Variants in GRIK2 observed in about 807,000 individuals in gnomAD.
GRIK2 encodes glutamate ionotropic receptor kainate type subunit 2.
Under a neutral mutation model 100.3 loss-of-function variants are expected in GRIK2, and 32 were observed. That is an observed-to-expected ratio of 0.32 (90% CI 0.24 to 0.43). GRIK2 has a LOEUF of 0.43. Ranked by LOEUF, GRIK2 falls within the 20% of genes least tolerant of loss-of-function variation. The probability of loss-of-function intolerance (pLI) is 1.00; values close to 1 mark genes in which losing one functional copy is unlikely to be tolerated. For synonymous variants in GRIK2, 417 were observed against 389.4 expected (o/e 1.07, Z -0.83); for missense variants, 843 against 1,114.9 (o/e 0.76, Z 3.47).
intron 15 of GRIK2, among the ~76,000 whole-genome samples, chr6:102,041,801 A>T (rs116700055): frequency 0.28 from 41,210 of 148,570 alleles, 5,689 homozygotes; most frequent in East Asian, 0.31. Context: ...TAGAAAATTA[A>T]AAAAAAAAAG....
chr6:101,486,603 G>A (rs1562172398), intron 2 of GRIK2, among the ~76,000 whole-genome samples: 1 of 152,042 alleles, frequency 6.6e-6, no homozygotes, highest in Non-Finnish European at 1.5e-5. Context: ...GAGGGGGAGA[G>A]CCCTTAATGA....
chr6:101,609,852 G>A (rs1023661254), intron 2 of GRIK2, among the ~76,000 whole-genome samples: 2 of 151,780 alleles, frequency 1.3e-5, no homozygotes, highest in African/African-American at 4.8e-5. Flanking sequence ...GATGGTGTGA[G>A]AGGGAACTTG....
At chr6:101,579,849 TAAAAAA>T (rs756184787) in intron 2 of GRIK2, among the ~76,000 whole-genome samples, 4 of 128,914 alleles carry the variant, frequency 3.1e-5, no homozygotes, top group African/African-American at 1.2e-4. Context: ...GACTGTGTCT[TAAAAAA>T]AAAAAAAAAA....
chr6:102,030,118 T>C (rs2114402854), intron 14 of GRIK2, among the ~76,000 whole-genome samples: 1 of 151,356 alleles, frequency 6.6e-6, no homozygotes, highest in Non-Finnish European at 1.5e-5. Flanking sequence ...CTGCATGATC[T>C]CACTTACACA....
intron 14 of GRIK2, among the ~76,000 whole-genome samples, chr6:101,969,286 A>G (rs557432033): frequency 6.6e-6 from 1 of 152,040 alleles, no homozygotes; most frequent in Non-Finnish European, 1.5e-5. Flanking sequence ...TCCTTAAAAT[A>G]TGAATAGTGA....
chr6:101,436,654 C>T (rs767264919), intron 2 of GRIK2, among the ~76,000 whole-genome samples: 31 of 151,968 alleles, frequency 2.0e-4, no homozygotes, highest in Middle Eastern at 3.4e-3. Flanking sequence ...TTTTCAGATT[C>T]TTCTCAGTTC....
At chr6:101,889,509 A>T in intron 11 of GRIK2, 131 bp from the exon 12 acceptor site, 1 of 579,498 alleles carries the variant, frequency 1.7e-6, no homozygotes, top group Non-Finnish European at 3.0e-6. Flanking sequence ...CATAATCGTT[A>T]CTGAGGCAAT....
rs139566456 is a variant in GRIK2, at chr6:101,743,851, G to A, written c.952-55797G>A. Among the ~76,000 whole-genome samples, 695 of 152,270 alleles carry A rather than the reference G, an allele frequency of 4.6e-3. 5 individuals are homozygous for A. The highest frequency in any genetic ancestry group is 0.027 in the Middle Eastern group (8 of 294). ...AACGTTAATAGGTTTTTTGGGAACA[G>A]GTGGTATTTAGTTAAATGAACAAGT... On this transcript the variant is annotated intron_variant, in intron 7 of 16. Transcript: ENST00000369134.
chr6:101,517,548 A>G (rs1774651035), intron 2 of GRIK2, among the ~76,000 whole-genome samples: 1 of 152,158 alleles, frequency 6.6e-6, no homozygotes, highest in Non-Finnish European at 1.5e-5. Context: ...TACTAAAATA[A>G]TAAATATAGT....
intron 7 of GRIK2, among the ~76,000 whole-genome samples, chr6:101,728,563 G>A (rs1296034073): frequency 6.6e-6 from 1 of 152,016 alleles, no homozygotes; most frequent in African/African-American, 2.4e-5. Flanking sequence ...AAACCAGATG[G>A]TTTTAAATTC....
intron 2 of GRIK2, among the ~76,000 whole-genome samples, chr6:101,578,470 T>TGGTATGTGTGCTGGTGCCAA (rs1486406765): frequency 6.6e-6 from 1 of 152,140 alleles, no homozygotes; most frequent in African/African-American, 2.4e-5. Flanking sequence ...CAGCTTAGAT[T>TGGTATGTGTGCTGGTGCCAA]GGTATGTGTG....
At chr6:101,964,313 G>T (rs1361281545) in intron 14 of GRIK2, among the ~76,000 whole-genome samples, 1 of 151,842 alleles carries the variant, frequency 6.6e-6, no homozygotes, top group South Asian at 2.1e-4. Flanking sequence ...TTATATTATT[G>T]TTATCAATTG....
chr6:101,944,686 GA>G (rs951366053), intron 14 of GRIK2, among the ~76,000 whole-genome samples: 26 of 151,554 alleles, frequency 1.7e-4, no homozygotes, highest in African/African-American at 4.1e-4. Context: ...AATTTCAAAA[GA>G]AAAAAATATT....
chr6:101,513,783 A>G (rs749170986), intron 2 of GRIK2, among the ~76,000 whole-genome samples: 2 of 152,134 alleles, frequency 1.3e-5, no homozygotes, highest in Non-Finnish European at 2.9e-5. Flanking sequence ...GTTTATCCTT[A>G]ATAACTTATA....
intron 11 of GRIK2, among the ~76,000 whole-genome samples, chr6:101,877,657 A>C (rs1785951401): frequency 6.6e-6 from 1 of 151,978 alleles, no homozygotes; most frequent in African/African-American, 2.4e-5. Context: ...TAAGTATTTG[A>C]ATAGACTAAG....
chr6:101,687,081 TAATC>T (rs1771752239), intron 7 of GRIK2, among the ~76,000 whole-genome samples: 1 of 152,196 alleles, frequency 6.6e-6, no homozygotes, highest in Admixed American at 6.5e-5. Context: ...TTTAAATAAG[TAATC>T]AATATAAAAA....
intron 16 of GRIK2, among the ~76,000 whole-genome samples, chr6:102,063,038 T>A (rs1211257112): frequency 1.3e-5 from 2 of 150,596 alleles, no homozygotes; most frequent in Admixed American, 1.3e-4. Flanking sequence ...TTGGAGAGTG[T>A]CTAAGAATAT....
At chr6:102,058,001 A>G (rs1204498447) in intron 16 of GRIK2, among the ~76,000 whole-genome samples, 1 of 151,806 alleles carries the variant, frequency 6.6e-6, no homozygotes, top group African/African-American at 2.4e-5. Flanking sequence ...TCCTATTGCA[A>G]TGAAAAAAAA....
intron 2 of GRIK2, among the ~76,000 whole-genome samples, chr6:101,554,971 T>A (rs1776670879): frequency 6.6e-6 from 1 of 152,176 alleles, no homozygotes; most frequent in African/African-American, 2.4e-5. Context: ...GAAAAGATTT[T>A]AAAATAGTGA....
Sources: gnomAD v4.1 joint callset for allele counts (sites outside exome capture counted in the v4.1 genomes callset) on GRCh38, gnomAD v4.1.1 for gene constraint, MANE v1.5 for transcripts, NCBI Gene and HGNC (gene_info 2026-07-23, HGNC 2026-07-21) for gene names.